The following ZNF608 variants were observed in gnomAD, a reference collection of about 807,000 sequenced individuals.
The protein encoded by ZNF608 is renal carcinoma antigen NY-REN-36.
ZNF608 carries 12 observed loss-of-function variants against 109.0 expected under a neutral mutation model. That is an observed-to-expected ratio of 0.11 (90% CI 0.07 to 0.18). The LOEUF is 0.18. ZNF608 is among the 10% of genes least tolerant of loss of function. ZNF608 has a pLI of 1.00. For synonymous variants in ZNF608, 732 were observed against 717.4 expected (o/e 1.02, Z -0.33); for missense variants, 1,707 against 1,879.3 (o/e 0.91, Z 1.70).
At chr5:124,672,952 T>C (rs1371739725) in intron 3 of ZNF608, among the ~76,000 whole-genome samples, 2 of 152,184 alleles carry the variant, frequency 1.3e-5, no homozygotes, top group South Asian at 2.1e-4. Context: ...AGTAAGTTCC[T>C]ACTAAGTTAA....
Position 124,647,041 on chromosome 5 carries a change from C to A in ZNF608, c.3343G>T (p.Ala1115Ser), listed in dbSNP as rs1456613200. 1 of 1,613,854 alleles carries A rather than the reference C, an allele frequency of 6.2e-7. No homozygotes were observed. The highest frequency in any genetic ancestry group is 2.2e-5 in the East Asian group (1 of 44,878). ...CCAGTCTGGGCCATTTTCTGCTCTG[C>A]CAGCCTCTGGTCCTCATAGTACTTC... ...YEKYYEDQRL[A>S]EQKMAQTGRG... The change falls in exon 5 of 10, where the codon GCA (alanine) becomes TCA (serine). Residue 1115 changes from alanine to serine, a missense_variant. Coordinates refer to ENST00000513986, the MANE Select transcript of ZNF608 (RefSeq NM_020747.3).
intron 3 of ZNF608, among the ~76,000 whole-genome samples, chr5:124,695,089 C>T (rs1752794553): frequency 6.6e-6 from 1 of 152,118 alleles, no homozygotes; most frequent in Non-Finnish European, 1.5e-5. Flanking sequence ...TGATTTATCT[C>T]CATTTAGCGC....
chr5:124,733,528 T>A (rs867064970), intron 2 of ZNF608, among the ~76,000 whole-genome samples: 1 of 152,126 alleles, frequency 6.6e-6, no homozygotes, highest in Non-Finnish European at 1.5e-5. Context: ...CCAACTGTCT[T>A]GTGTGCTTTT....
chr5:124,747,204 T>C (rs1749670445), upstream of ZNF608, among the ~76,000 whole-genome samples: 1 of 148,252 alleles, frequency 6.7e-6, no homozygotes, highest in Non-Finnish European at 1.5e-5. Flanking sequence ...TTTTCGGGAG[T>C]TTTTCCCTCT....
chr5:124,693,972 A>ATTTTTTTTTTTTT (rs1561564262), intron 3 of ZNF608, among the ~76,000 whole-genome samples: 15 of 23,312 alleles, frequency 6.4e-4, no homozygotes, highest in African/African-American at 9.3e-4. Context: ...CATTTCATTA[A>ATTTTTTTTTTTTT]TCTTTTTTTT....
chr5:124,716,046 G>A (rs1427063716), intron 2 of ZNF608, among the ~76,000 whole-genome samples: 1 of 151,182 alleles, frequency 6.6e-6, no homozygotes, highest in Non-Finnish European at 1.5e-5. Flanking sequence ...GGGAGGCTGA[G>A]GCAGGAGAAT....
chr5:124,713,295 C>G (rs947938456), intron 2 of ZNF608, among the ~76,000 whole-genome samples: 1 of 152,220 alleles, frequency 6.6e-6, no homozygotes, highest in Admixed American at 6.5e-5. Flanking sequence ...GCAAGTAACC[C>G]TGCTTAGGGA....
intron 3 of ZNF608, among the ~76,000 whole-genome samples, chr5:124,652,587 T>C (rs1750839712): frequency 6.6e-6 from 1 of 152,234 alleles, no homozygotes; most frequent in African/African-American, 2.4e-5. Flanking sequence ...TATATTGGAA[T>C]GAAGGCTTAA....
At chr5:124,733,035 A>C (rs1311194096) in intron 2 of ZNF608, among the ~76,000 whole-genome samples, 1 of 149,236 alleles carries the variant, frequency 6.7e-6, no homozygotes, top group African/African-American at 2.5e-5. Context: ...TTCTTTGTGA[A>C]AAAAAAAAAG....
At chr5:124,715,970 T>C (rs111368200) in intron 2 of ZNF608, among the ~76,000 whole-genome samples, 7,618 of 151,778 alleles carry the variant, frequency 0.05, 260 homozygotes, top group Middle Eastern at 0.11. Context: ...GGTGAAACCC[T>C]GTCTCTACTA....
At chr5:124,699,777 T>G (rs1752980812) in intron 3 of ZNF608, among the ~76,000 whole-genome samples, 1 of 152,232 alleles carries the variant, frequency 6.6e-6, no homozygotes, top group Non-Finnish European at 1.5e-5. Flanking sequence ...TGATTTTCAT[T>G]TATTTTTATC....
chr5:124,708,045 A>G (rs1206427810), intron 2 of ZNF608: 1 of 152,250 alleles, frequency 6.6e-6, no homozygotes, highest in African/African-American at 2.4e-5. Flanking sequence ...TAATTCTCAC[A>G]ACATTCCTGT....
chr5:124,666,649 G>T (rs6595536), intron 3 of ZNF608, among the ~76,000 whole-genome samples: 44,880 of 151,412 alleles, frequency 0.3, 7,233 homozygotes, highest in African/African-American at 0.42. Context: ...TGGAAGATTA[G>T]TAACTCAATG....
intron 3 of ZNF608, among the ~76,000 whole-genome samples, chr5:124,672,664 T>A (rs530934786): frequency 6.6e-6 from 1 of 152,326 alleles, no homozygotes; most frequent in Non-Finnish European, 1.5e-5. Flanking sequence ...CATCTCATAG[T>A]ACCAATAAAA....
intron 3 of ZNF608, among the ~76,000 whole-genome samples, chr5:124,694,795 C>G (rs1307215591): frequency 2.7e-5 from 4 of 150,266 alleles, no homozygotes; most frequent in African/African-American, 9.8e-5. Flanking sequence ...TGTTCAATTC[C>G]CACCTATGAG....
intron 2 of ZNF608, among the ~76,000 whole-genome samples, chr5:124,737,636 C>A (rs145293267): frequency 9.9e-5 from 15 of 152,264 alleles, no homozygotes; most frequent in African/African-American, 2.6e-4. Context: ...GCTTTGTGAT[C>A]ATTTCAGTTC....
chr5:124,644,716 A>G, intron 5 of ZNF608, 55 bp from the exon 6 acceptor site: 8 of 1,459,862 alleles, frequency 5.5e-6, no homozygotes, highest in Non-Finnish European at 6.4e-6. Flanking sequence ...TAAAATTTCA[A>G]TTTTAAAGAA....
At position 124,718,993 on chromosome 5, in the gene ZNF608, A is replaced by T. The variant is rs911131428; in HGVS notation, c.907-17724T>A. ...TCATTACATATATGCCATTTTTAAT[A>T]CTTCTGCCTTCCACCAATATGTAAC... is the stretch of plus-strand genomic sequence containing the variant. On this transcript the variant is annotated intron_variant, in intron 2 of 9. Coordinates refer to ENST00000513986, the MANE Select transcript of ZNF608 (RefSeq NM_020747.3). Among the ~76,000 whole-genome samples the T allele has an allele frequency of 2.6e-5, 4 of 152,358 alleles. No individual in the cohort carries two copies. The South Asian group carries it at 8.3e-4, about 32-fold the overall frequency.
chr5:124,655,653 A>G (rs1188223601), intron 3 of ZNF608, among the ~76,000 whole-genome samples: 1 of 152,244 alleles, frequency 6.6e-6, no homozygotes, highest in Non-Finnish European at 1.5e-5. Flanking sequence ...TAAAATTCAT[A>G]TATTTCAGAT....
Sources: gnomAD v4.1 joint callset for allele counts (sites outside exome capture counted in the v4.1 genomes callset) on GRCh38, gnomAD v4.1.1 for gene constraint, MANE v1.5 for transcripts, NCBI Gene and HGNC (gene_info 2026-07-23, HGNC 2026-07-21) for gene names.